DENND1A: variants seen among roughly 807,000 people sequenced by gnomAD.
The protein encoded by DENND1A is DENN domain containing 1A, also known as DENN domain-containing protein 1A.
DENND1A carries 51 observed loss-of-function variants against 113.7 expected under a neutral mutation model. That is an observed-to-expected ratio of 0.45 (90% CI 0.36 to 0.57). The LOEUF is 0.57. Among genes scored for constraint, DENND1A ranks in the 20% least tolerant of loss-of-function variants. The pLI is 0.00. For synonymous variants in DENND1A, 565 were observed against 570.8 expected, an observed-to-expected ratio of 0.99 and a Z score of 0.14; for missense variants, 1,258 against 1,395.9, an observed-to-expected ratio of 0.90 and a Z score of 1.57.
intron 13 of DENND1A, among the ~76,000 whole-genome samples, chr9:123,491,524 G>C (rs1399084710): frequency 6.6e-6 from 1 of 152,182 alleles, no homozygotes; most frequent in Non-Finnish European, 1.5e-5. Flanking sequence ...GTGAGGGTCT[G>C]CCATGAACGC....
intron 2 of DENND1A, among the ~76,000 whole-genome samples, chr9:123,856,282 T>G (rs1484790661): frequency 1.3e-5 from 2 of 152,094 alleles, no homozygotes; most frequent in Non-Finnish European, 2.9e-5. Flanking sequence ...ATAGGAGGGC[T>G]TGCACAATAT....
intron 13 of DENND1A, among the ~76,000 whole-genome samples, chr9:123,525,911 CCAT>C (rs1259535970): frequency 6.6e-6 from 1 of 151,890 alleles, no homozygotes; most frequent in Non-Finnish European, 1.5e-5. Context: ...GTGCACACCA[CCAT>C]ACCAGCTAAT....
intron 10 of DENND1A, among the ~76,000 whole-genome samples, chr9:123,618,951 CTTA>C (rs1314908865): frequency 2.0e-5 from 3 of 151,894 alleles, no homozygotes; most frequent in Non-Finnish European, 2.9e-5. Context: ...TTTATTTCTT[CTTA>C]TTATTATTTT....
chr9:123,867,226 C>A (rs1436443381), intron 2 of DENND1A, among the ~76,000 whole-genome samples: 1 of 152,060 alleles, frequency 6.6e-6, no homozygotes, highest in Non-Finnish European at 1.5e-5. Context: ...AGTTCAAAAG[C>A]TAGAATGTAA....
At chr9:123,727,032 G>A (rs557212646) in intron 5 of DENND1A, among the ~76,000 whole-genome samples, 6 of 152,288 alleles carry the variant, frequency 3.9e-5, no homozygotes, top group African/African-American at 1.4e-4. Flanking sequence ...GTGTTGTCAC[G>A]TGTAATTTAC....
At chr9:123,463,196 G>A (rs879235336) in intron 13 of DENND1A, among the ~76,000 whole-genome samples, 1 of 152,200 alleles carries the variant, frequency 6.6e-6, no homozygotes, top group African/African-American at 2.4e-5. Flanking sequence ...CATTAGCAGA[G>A]TTTTCCAAGT....
At chr9:123,606,704 C>T (rs1421391712) in intron 11 of DENND1A, among the ~76,000 whole-genome samples, 4 of 152,238 alleles carry the variant, frequency 2.6e-5, no homozygotes, top group African/African-American at 4.8e-5. Flanking sequence ...ATTCACTCAA[C>T]GCTTCTTTTC....
At chr9:123,566,942 A>AAC (rs1327649377) in intron 12 of DENND1A, among the ~76,000 whole-genome samples, 1 of 73,072 alleles carries the variant, frequency 1.4e-5, no homozygotes, top group Non-Finnish European at 2.7e-5. Flanking sequence ...CACACACACA[A>AAC]ACACACACAC....
chr9:123,557,588 G>C lies in DENND1A; in HGVS notation c.975C>G (p.Asn325Lys), dbSNP rs376355710. 1 of 1,613,876 alleles carries C rather than the reference G, an allele frequency of 6.2e-7. No individual in the cohort carries two copies. The highest frequency in any genetic ancestry group is 8.5e-7 in the Non-Finnish European group (1 of 1,179,868). Residue 325 changes from asparagine (N) to lysine (K), a missense_variant, in exon 13 of 24, where the codon AAC (asparagine) becomes AAG (lysine). By Grantham distance (94) the Asn-to-Lys change is moderately conservative (BLOSUM62 0). This residue lies in a region of DENND1A where 1,159 missense variants were observed against 1,231.7 expected (regional missense o/e 0.94). Coordinates refer to ENST00000394215, the MANE Select transcript of DENND1A (RefSeq NM_001352964.2). ...TACTCACCGGCTCGATTTTCAGAGC[G>C]TTTCGGTAGCTACCGAAGAAAGCAG... Reference protein sequence around the residue: ...AQAAFFGSYRNALKIEPEEPI... With the variant: ...AQAAFFGSYRKALKIEPEEPI...
intron 1 of DENND1A, among the ~76,000 whole-genome samples, chr9:123,882,289 G>T (rs1848426110): frequency 6.9e-6 from 1 of 145,152 alleles, no homozygotes; most frequent in Non-Finnish European, 1.5e-5. Flanking sequence ...AGGAGTTTGA[G>T]ACCAGCCTGA....
chr9:123,450,676 A>G lies in DENND1A; in HGVS notation c.1356+17T>C, dbSNP rs201192156. On this transcript the variant is annotated intron_variant, in intron 18 of 23. Transcript: ENST00000394215. Reference sequence around the variant, plus strand: ...CATACATGGTGCTTATACATTTTGAATAAGAACTTCAAGTACCTTTTGCTT... The same window carrying G: ...CATACATGGTGCTTATACATTTTGAGTAAGAACTTCAAGTACCTTTTGCTT... The G allele has an allele frequency of 2.9e-5, 47 of 1,607,816 alleles. No homozygotes were observed. The highest frequency in any genetic ancestry group is 4.0e-5 in the Non-Finnish European group (47 of 1,177,462).
chr9:123,862,833 C>G (rs1022983490), intron 2 of DENND1A, among the ~76,000 whole-genome samples: 1 of 152,124 alleles, frequency 6.6e-6, no homozygotes, highest in Admixed American at 6.6e-5. Context: ...GTATAACAAT[C>G]AGGAGCTAGT....
chr9:123,593,359 C>T (rs931756863), intron 11 of DENND1A, among the ~76,000 whole-genome samples: 1 of 152,146 alleles, frequency 6.6e-6, no homozygotes, highest in Admixed American at 6.5e-5. Flanking sequence ...TTCTGGGTGA[C>T]GCCTAAAGCC....
chr9:123,915,501 A>T (rs900326741), intron 1 of DENND1A, among the ~76,000 whole-genome samples: 1 of 152,144 alleles, frequency 6.6e-6, no homozygotes, highest in African/African-American at 2.4e-5. Flanking sequence ...TGAAATCAAA[A>T]GACAGTGTTG....
chr9:123,428,355 T>C (rs2045897523), intron 19 of DENND1A, among the ~76,000 whole-genome samples: 1 of 152,188 alleles, frequency 6.6e-6, no homozygotes, highest in South Asian at 2.1e-4. Flanking sequence ...TCAACATTCC[T>C]TCATGTTAAA....
chr9:123,781,026 G>A (rs895348181), intron 3 of DENND1A, among the ~76,000 whole-genome samples: 1 of 152,214 alleles, frequency 6.6e-6, no homozygotes, highest in African/African-American at 2.4e-5. Context: ...AAAGGATGGA[G>A]ATTGAGAATC....
At chr9:123,501,313 T>C (rs2052461666) in intron 13 of DENND1A, among the ~76,000 whole-genome samples, 1 of 152,240 alleles carries the variant, frequency 6.6e-6, no homozygotes, top group African/African-American at 2.4e-5. Flanking sequence ...ATTATTTGTA[T>C]ATACCACATT....
chr9:123,772,755 A>C (rs1829934358), intron 3 of DENND1A, among the ~76,000 whole-genome samples: 1 of 152,198 alleles, frequency 6.6e-6, no homozygotes, highest in South Asian at 2.1e-4. Flanking sequence ...CACCACAGTT[A>C]AAGTGCAGGG....
At position 123,757,702 on chromosome 9, in the gene DENND1A, C is replaced by A; in HGVS notation, c.302+1G>T. 1 of 1,613,864 alleles carries A rather than the reference C, an allele frequency of 6.2e-7. No homozygotes were observed. Among genetic ancestry groups the A allele is most frequent in the Non-Finnish European group, 8.5e-7 (1 of 1,179,936 alleles). On this transcript the variant is annotated splice_donor_variant, in intron 5 of 23. Transcript: ENST00000394215. LOFTEE classifies it high-confidence loss of function. ...CCAACAGCCCAAGCCTTCTCCCTTACCTTAAGATACAGAAGCAGCTCTTCG... is the reference window on the plus strand; with the variant it reads ...CCAACAGCCCAAGCCTTCTCCCTTAACTTAAGATACAGAAGCAGCTCTTCG...
Sources: allele counts gnomAD v4.1 joint callset (sites outside exome capture counted in the v4.1 genomes callset), GRCh38; gene constraint gnomAD v4.1.1; regional missense constraint gnomAD v4.1.1; transcripts MANE v1.5; gene names NCBI Gene and HGNC (gene_info 2026-07-23, HGNC 2026-07-21).